Variants in PFKFB1 observed in about 807,000 individuals in gnomAD.
PFKFB1 encodes the protein 6-phosphofructo-2-kinase/fructose-2,6-bisphosphatase 1.
Under a neutral mutation model 46.4 loss-of-function variants are expected in PFKFB1, and 34 were observed. The observed-to-expected ratio is 0.73, with a 90% CI of 0.56 to 0.98. The LOEUF (loss-of-function observed/expected upper bound fraction) is 0.98, where lower values mean the gene tolerates loss of function less well. Ranked by LOEUF, PFKFB1 falls within the 50% of genes least tolerant of loss-of-function variation. PFKFB1 has a pLI of 0.00. For missense variants in PFKFB1, 393 were observed against 376.3 expected (o/e 1.04, Z -0.37); for synonymous variants, 119 against 133.8 (o/e 0.89, Z 0.76).
intron 1 of PFKFB1, among the ~76,000 whole-genome samples, chrX:54,990,514 A>G (rs1935214595): frequency 1.8e-5 from 2 of 111,764 alleles, no homozygotes; most frequent in Non-Finnish European, 3.8e-5. Flanking sequence ...ATCAGTTAAA[A>G]TGTTAAAGGA....
At chrX:54,964,697 T>G (rs1390397703) in intron 1 of PFKFB1, among the ~76,000 whole-genome samples, 1 of 111,298 alleles carries the variant, frequency 9.0e-6, no homozygotes, top group East Asian at 2.8e-4. Flanking sequence ...CTCCCACTGT[T>G]CCCCCTTTTG....
intron 1 of PFKFB1, among the ~76,000 whole-genome samples, chrX:54,963,966 A>C (rs1248646413): frequency 8.9e-6 from 1 of 111,849 alleles, no homozygotes; most frequent in African/African-American, 3.3e-5. Flanking sequence ...GCTTGAAAGT[A>C]CTGGGAGAAA....
intron 1 of PFKFB1, among the ~76,000 whole-genome samples, chrX:54,982,940 C>T (rs1015144096): frequency 1.8e-5 from 2 of 111,120 alleles, no homozygotes; most frequent in Non-Finnish European, 3.8e-5. Flanking sequence ...ATAGGCACTC[C>T]TTTCTTTAAA....
chrX:54,986,020 C>T (rs757969492), intron 1 of PFKFB1, among the ~76,000 whole-genome samples: 189 of 111,988 alleles, frequency 1.7e-3, no homozygotes, highest in Non-Finnish European at 2.2e-3. Flanking sequence ...AATAAAACTG[C>T]ATATTTAAAC....
At chrX:54,972,423 C>G (rs1384557451) in intron 1 of PFKFB1, among the ~76,000 whole-genome samples, 1 of 109,680 alleles carries the variant, frequency 9.1e-6, no homozygotes, top group Non-Finnish European at 1.9e-5. Flanking sequence ...TGCCAGTTTT[C>G]AAAGGGAATG....
intron 1 of PFKFB1, among the ~76,000 whole-genome samples, chrX:54,983,670 T>C (rs1265943866): frequency 8.9e-6 from 1 of 112,258 alleles, no homozygotes; most frequent in Non-Finnish European, 1.9e-5. Context: ...TTATATCCCC[T>C]TGGGTATATA....
chrX:54,980,917 A>G (rs1934968290), intron 1 of PFKFB1, among the ~76,000 whole-genome samples: 1 of 111,807 alleles, frequency 8.9e-6, no homozygotes, highest in African/African-American at 3.2e-5. Flanking sequence ...ATGTGAGACT[A>G]TCAAAGAAAG....
At chrX:54,956,020 A>G (rs1381946495) in intron 7 of PFKFB1, 133 bp downstream of exon 7, 1 of 452,542 alleles carries the variant, frequency 2.2e-6, no homozygotes, top group Non-Finnish European at 3.8e-6. Context: ...AAGAAAGATC[A>G]TCAAGTTCAG....
intron 1 of PFKFB1, among the ~76,000 whole-genome samples, chrX:54,973,497 T>C (rs1934743983): frequency 9.0e-6 from 1 of 111,458 alleles, no homozygotes; most frequent in African/African-American, 3.3e-5. Flanking sequence ...AATTTCCCTC[T>C]ACACACTGCT....
At position 54,933,383 on chromosome X, in the gene PFKFB1, T is replaced by C. The variant is rs779685653; in HGVS notation, c.*20A>G. ...TGGAAGGCGATGAGGACACAGGCAG[T>C]TTGACTTCTTGGAAAGGGCTCAGTA... is the stretch of plus-strand genomic sequence containing the variant. On this transcript the variant is annotated 3_prime_UTR_variant, in exon 14 of 14. Transcript: ENST00000375006. 19 of 1,180,259 alleles carry C rather than the reference T, an allele frequency of 1.6e-5. No homozygotes were observed. The South Asian group carries it at 3.4e-4, about 21-fold the overall frequency.
chrX:54,961,502 G>A (rs1027039258), intron 2 of PFKFB1, among the ~76,000 whole-genome samples: 2 of 111,788 alleles, frequency 1.8e-5, no homozygotes, highest in African/African-American at 3.2e-5. Context: ...AGGAAAGGAG[G>A]AGAAAGAAGA....
At chrX:54,936,408 C>A (rs1933393813) in intron 11 of PFKFB1, among the ~76,000 whole-genome samples, 1 of 111,250 alleles carries the variant, frequency 9.0e-6, no homozygotes, top group Non-Finnish European at 1.9e-5. Flanking sequence ...TCCAGTGCTG[C>A]CCTGTCTGGC....
intron 10 of PFKFB1, among the ~76,000 whole-genome samples, chrX:54,942,174 A>G (rs370912479): frequency 1.8e-5 from 2 of 111,201 alleles, no homozygotes; most frequent in South Asian, 3.9e-4. Context: ...ATTCTCGCTC[A>G]TAGGTGGGAA....
intron 1 of PFKFB1, among the ~76,000 whole-genome samples, chrX:54,975,880 C>T (rs1224941693): frequency 1.8e-5 from 2 of 111,152 alleles, no homozygotes; most frequent in Non-Finnish European, 1.9e-5. Flanking sequence ...GGTGCTAGAA[C>T]GATTGGAAGT....
intron 7 of PFKFB1, among the ~76,000 whole-genome samples, chrX:54,954,450 T>C (rs1402337408): frequency 8.9e-6 from 1 of 111,809 alleles, no homozygotes. Context: ...GAGGCAGAGG[T>C]TGCAGTGAGC....
intron 1 of PFKFB1, among the ~76,000 whole-genome samples, chrX:54,984,892 T>A (rs777401015): frequency 2.7e-5 from 3 of 110,780 alleles, no homozygotes; most frequent in East Asian, 2.9e-4. Flanking sequence ...CTAAGAATAC[T>A]GAGGTCCTGA....
At chrX:54,974,835 G>A (rs145648146) in intron 1 of PFKFB1, among the ~76,000 whole-genome samples, 5 of 110,896 alleles carry the variant, frequency 4.5e-5, no homozygotes, top group Non-Finnish European at 7.6e-5. Context: ...TATAAACAGC[G>A]AACAAACACA....
At chrX:54,994,215 TGTACTA>T, upstream of PFKFB1, 1 of 1,041,489 alleles carries the variant, frequency 9.6e-7, no homozygotes, top group Non-Finnish European at 1.2e-6. Flanking sequence ...TGCTCCTGTA[TGTACTA>T]GTGGGGTATT....
chrX:54,940,841 C>T (rs1435201607), intron 10 of PFKFB1, among the ~76,000 whole-genome samples: 5 of 111,514 alleles, frequency 4.5e-5, no homozygotes, highest in Non-Finnish European at 7.5e-5. Context: ...GATTCAATGC[C>T]ATCCCCATCA....
Sources: gnomAD v4.1 joint callset for allele counts (sites outside exome capture counted in the v4.1 genomes callset) on GRCh38, gnomAD v4.1.1 for gene constraint, MANE v1.5 for transcripts, NCBI Gene and HGNC (gene_info 2026-07-23, HGNC 2026-07-21) for gene names.